Variants in PCDHA9 observed in about 807,000 individuals in gnomAD.
PCDHA9 encodes protocadherin alpha 9.
In PCDHA9, 62 loss-of-function variants were observed where a neutral mutation model predicts 62.0. The ratio of observed to expected loss-of-function variants is 1.00; its 90% CI spans 0.81 to 1.23. The LOEUF is 1.23. Among genes scored for constraint, PCDHA9 ranks in the 50% most tolerant of loss-of-function variants. The pLI is 0.00. For synonymous variants in PCDHA9, 557 were observed against 567.6 expected, an observed-to-expected ratio of 0.98 and a Z score of 0.27; for missense variants, 1,205 against 1,249.8, an observed-to-expected ratio of 0.96 and a Z score of 0.54.
At chr5:140,984,790 G>A (rs2097121430) in intron 3 of PCDHA9, among the ~76,000 whole-genome samples, 1 of 152,104 alleles carries the variant, frequency 6.6e-6, no homozygotes, top group Admixed American at 6.5e-5. Flanking sequence ...GGTGAGCATA[G>A]ACAAACTGCC....
In PCDHA9 at chr5:141,010,190, C is replaced by T. The variant is rs868983471; in HGVS notation, c.*253C>T. On this transcript the variant is annotated 3_prime_UTR_variant, in exon 4 of 4. Coordinates refer to ENST00000532602, the MANE Select transcript of PCDHA9 (RefSeq NM_031857.2). ...GAACCTAAAAAGCAGACCCAAGTTT[C>T]CTTTCTCCTCCGCCGCAAAGGAGAG... The T allele has an allele frequency of 6.4e-7, 1 of 1,552,504 alleles. No homozygotes were observed. Among genetic ancestry groups the T allele is most frequent in the Non-Finnish European group, 8.7e-7 (1 of 1,147,234 alleles).
At chr5:140,927,672 A>G in intron 1 of PCDHA9, 1 of 1,614,202 alleles carries the variant, frequency 6.2e-7, no homozygotes, top group Non-Finnish European at 8.5e-7. Flanking sequence ...CCTTGGATCC[A>G]GATGAAGGGT....
At chr5:140,922,254 T>G (rs2080741873) in intron 1 of PCDHA9, among the ~76,000 whole-genome samples, 1 of 152,228 alleles carries the variant, frequency 6.6e-6, no homozygotes, top group East Asian at 1.9e-4. Context: ...GATAAGTTAC[T>G]AAGTGCCATG....
intron 1 of PCDHA9, among the ~76,000 whole-genome samples, chr5:140,888,383 C>T (rs1279773489): frequency 3.9e-5 from 6 of 152,170 alleles, no homozygotes; most frequent in African/African-American, 1.4e-4. Flanking sequence ...CTCTGAGATG[C>T]TGCTAAACAC....
At chr5:140,868,071 TTTTA>T (rs2050265335) in intron 1 of PCDHA9, 1 of 152,116 alleles carries the variant, frequency 6.6e-6, no homozygotes. Flanking sequence ...TTCAGGGTGA[TTTTA>T]TTTATTTTAT....
chr5:140,978,820 T>C (rs2096824926), intron 1 of PCDHA9, 129 bp from the exon 2 acceptor site: 1 of 1,517,496 alleles, frequency 6.6e-7, no homozygotes, highest in East Asian at 2.4e-5. Context: ...GAGTTACACA[T>C]GAAATGGCTC....
chr5:140,966,427 C>T (rs2096001144), intron 1 of PCDHA9: 1 of 421,646 alleles, frequency 2.4e-6, no homozygotes, highest in African/African-American at 2.1e-5. Context: ...CTTGCTGAGC[C>T]CTCCTACCGC....
At chr5:140,893,612 T>C (rs1455928353) in intron 1 of PCDHA9, among the ~76,000 whole-genome samples, 1 of 152,240 alleles carries the variant, frequency 6.6e-6, no homozygotes, top group Non-Finnish European at 1.5e-5. Flanking sequence ...CCTTCATTTC[T>C]GAAGTATAGC....
chr5:140,979,999 C>G (rs1563478157), intron 2 of PCDHA9, among the ~76,000 whole-genome samples: 1 of 152,172 alleles, frequency 6.6e-6, no homozygotes, highest in African/African-American at 2.4e-5. Context: ...TTAACATACT[C>G]TCAAGCATTA....
At chr5:140,892,563 T>G (rs1554185281) in intron 1 of PCDHA9, among the ~76,000 whole-genome samples, 2 of 152,248 alleles carry the variant, frequency 1.3e-5, no homozygotes, top group Admixed American at 6.5e-5. Context: ...CCTTGGAGAC[T>G]GTCAAAAGTA....
chr5:140,939,283 GATCTAATC>G lies in PCDHA9; in HGVS notation c.2395-39661_2395-39654del, dbSNP rs1257109202. ...TCTTTTATGAGAGCTGTGCCCTCGT[GATCTAATC>G]ATCTCTACAAAAGCCCTACCTCCTA... On this transcript the variant is annotated intron_variant, in intron 1 of 3. Coordinates refer to ENST00000532602, the MANE Select transcript of PCDHA9 (RefSeq NM_031857.2). Among the ~76,000 whole-genome samples the G allele has an allele frequency of 2.0e-5, 3 of 152,184 alleles. No homozygotes were observed. In the East Asian group the frequency reaches 5.8e-4, roughly 29 times the overall value.
chr5:140,882,628 G>A (rs1554174947), intron 1 of PCDHA9: 9 of 1,614,252 alleles, frequency 5.6e-6, no homozygotes, highest in Non-Finnish European at 7.6e-6. Flanking sequence ...TCCATGTGGA[G>A]GTGAAGGTGA....
At chr5:140,945,762 G>A (rs570176768) in intron 1 of PCDHA9, among the ~76,000 whole-genome samples, 122 of 152,196 alleles carry the variant, frequency 8.0e-4, no homozygotes, top group South Asian at 2.3e-3. Context: ...ATGGTGGTGG[G>A]ACAATTTGAT....
rs1554206642 is a variant in PCDHA9, at chr5:140,929,061, G to C, written c.2395-49888G>C. The C allele has an allele frequency of 3.1e-6, 5 of 1,614,196 alleles. No individual in the cohort carries two copies. In the South Asian group the frequency reaches 5.5e-5, roughly 18 times the overall value. On this transcript the variant is annotated intron_variant, in intron 1 of 3. Transcript: ENST00000532602. Reference sequence around the variant, plus strand: ...CTCAGAGCTGCTGTCGCTCTACAGAGGATCTGAGGTATGGAAGTAAGATGG... The same window carrying C: ...CTCAGAGCTGCTGTCGCTCTACAGACGATCTGAGGTATGGAAGTAAGATGG...
At chr5:140,966,805 T>G in intron 1 of PCDHA9, 1 of 1,545,566 alleles carries the variant, frequency 6.5e-7, no homozygotes, top group East Asian at 2.4e-5. Context: ...CGACAGAGCA[T>G]CCACGGCTCC....
At chr5:140,967,593 T>C (rs2096161783) in intron 1 of PCDHA9, 2 of 1,614,078 alleles carry the variant, frequency 1.2e-6, no homozygotes, top group Non-Finnish European at 1.7e-6. Context: ...GGCACATTGG[T>C]GGTGAAGCTG....
rs782098088 is a variant in PCDHA9, at chr5:140,856,583, CT to C, written c.2394+5696del. On this transcript the variant is annotated intron_variant, in intron 1 of 3. Transcript: ENST00000532602. Reference sequence around the variant, plus strand: ...ACTCAGTCCAAATGAGTATTTTGTTCTTGATATTATAAACAAAAAAGACAAA... The same window carrying C: ...ACTCAGTCCAAATGAGTATTTTGTTCTGATATTATAAACAAAAAAGACAAA... The C allele has an allele frequency of 1.3e-6, 2 of 1,597,002 alleles. 1 individual carries two copies. Among genetic ancestry groups the C allele is most frequent in the African/African-American group, 2.7e-5 (2 of 74,388 alleles).
intron 1 of PCDHA9, among the ~76,000 whole-genome samples, chr5:140,955,110 T>C (rs915501300): frequency 7.2e-5 from 11 of 152,274 alleles, no homozygotes; most frequent in African/African-American, 2.6e-4. Flanking sequence ...TTCTGAGTTC[T>C]CTATTCTGTT....
chr5:140,996,237 G>T (rs1169717703), intron 3 of PCDHA9, among the ~76,000 whole-genome samples: 1 of 152,186 alleles, frequency 6.6e-6, no homozygotes, highest in Non-Finnish European at 1.5e-5. Context: ...GTTGCTCAAG[G>T]CTGAGAAGTG....
Sources: gnomAD v4.1 joint callset for allele counts (sites outside exome capture counted in the v4.1 genomes callset) on GRCh38, gnomAD v4.1.1 for gene constraint, MANE v1.5 for transcripts, NCBI Gene and HGNC (gene_info 2026-07-23, HGNC 2026-07-21) for gene names.